Variants in IQGAP1 observed in about 807,000 individuals in gnomAD.
IQGAP1 encodes IQ motif containing GTPase activating protein 1.
A neutral mutation model predicts 215.6 loss-of-function variants in IQGAP1; 66 were observed. The ratio of observed to expected loss-of-function variants is 0.31; its 90% CI spans 0.25 to 0.38. IQGAP1 has a LOEUF of 0.38. Ranked by LOEUF, IQGAP1 falls within the 10% of genes least tolerant of loss-of-function variation. The probability of loss-of-function intolerance (pLI) is 1.00; values close to 1 mark genes in which losing one functional copy is unlikely to be tolerated. For synonymous variants in IQGAP1, 772 were observed against 728.7 expected (o/e 1.06, Z -0.96); for missense variants, 1,712 against 1,997.1 (o/e 0.86, Z 2.72).
chr15:90,464,543 C>T (rs1965804042), intron 15 of IQGAP1, among the ~76,000 whole-genome samples: 1 of 152,018 alleles, frequency 6.6e-6, no homozygotes, highest in Admixed American at 6.6e-5. Flanking sequence ...ATATGGCAGC[C>T]ACATTCTTGA....
Position 90,441,483 on chromosome 15 carries a change from TG to T in IQGAP1, c.650-22del, listed in dbSNP as rs1281006734. Reference sequence around the variant, plus strand: ...TATAATCTCAGTGTTTTTGTTGGTTTGTTTTTTTGTTTTTTTTTTTAGTACA... The same window carrying T: ...TATAATCTCAGTGTTTTTGTTGGTTTTTTTTTTGTTTTTTTTTTTAGTACA... On this transcript the variant is annotated intron_variant, in intron 7 of 37. Coordinates refer to ENST00000268182, the MANE Select transcript of IQGAP1 (RefSeq NM_003870.4). The T allele has an allele frequency of 1.0e-4, 166 of 1,586,678 alleles. No individual in the cohort carries two copies. In the African/African-American group the frequency reaches 1.9e-3, roughly 18 times the overall value.
chr15:90,473,432 C>T (rs910172458), intron 19 of IQGAP1: 31 of 436,052 alleles, frequency 7.1e-5, no homozygotes, highest in Middle Eastern at 6.4e-4. Context: ...ATCTTATCTT[C>T]CTCACCTGGT....
chr15:90,462,888 A>G (rs1965782701), intron 15 of IQGAP1, among the ~76,000 whole-genome samples: 1 of 152,138 alleles, frequency 6.6e-6, no homozygotes, highest in South Asian at 2.1e-4. Context: ...TTTACAGCAA[A>G]TCTGTTTTCT....
rs537769773 is a variant in IQGAP1, at chr15:90,476,946, C to G, written c.2941-121C>G. ...GAGGGGTGAGTGAGGGGCACTGTAACATGTTAATTTATTAATCTTTTTTCT... is the reference window on the plus strand; with the variant it reads ...GAGGGGTGAGTGAGGGGCACTGTAAGATGTTAATTTATTAATCTTTTTTCT... On this transcript the variant is annotated intron_variant, in intron 24 of 37. Transcript: ENST00000268182. The G allele has an allele frequency of 6.2e-4, 821 of 1,317,618 alleles. 4 individuals are homozygous for G. Among genetic ancestry groups the G allele is most frequent in the East Asian group, 2.6e-3 (113 of 43,082 alleles). 81.6% of individuals were successfully genotyped at this position (1,317,618 alleles called of 1,614,324 possible).
At chr15:90,471,377 G>A (rs1270186278) in intron 18 of IQGAP1, among the ~76,000 whole-genome samples, 1 of 152,092 alleles carries the variant, frequency 6.6e-6, no homozygotes, top group Non-Finnish European at 1.5e-5. Flanking sequence ...CAGGAAGTAG[G>A]AAGAAGGGGA....
intron 12 of IQGAP1, 33 bp downstream of exon 12, chr15:90,452,971 A>C: frequency 1.2e-6 from 2 of 1,610,212 alleles, no homozygotes; most frequent in Non-Finnish European, 1.7e-6. Context: ...GTTTGTGAGC[A>C]AAGTTGGGTG....
At chr15:90,495,192 C>G (rs1318673485) in intron 36 of IQGAP1, among the ~76,000 whole-genome samples, 1 of 152,160 alleles carries the variant, frequency 6.6e-6, no homozygotes, top group East Asian at 1.9e-4. Context: ...TAGCTAGGAA[C>G]CAGGCACTTA....
chr15:90,411,372 C>T (rs879714365), intron 2 of IQGAP1, among the ~76,000 whole-genome samples: 7 of 152,002 alleles, frequency 4.6e-5, no homozygotes, highest in Non-Finnish European at 7.4e-5. Context: ...ACAACACCCC[C>T]AGGCTCAGAT....
rs1250916445 is a variant in IQGAP1 at position 90,453,201 on chromosome 15, G to A, written c.1396G>A (p.Ala466Thr). Reference sequence around the variant, plus strand: ...GTCATCGGTGGCCCTGATCAACAGGGCATTGGAATCAGGAGATGTGAATAC... The same window carrying A: ...GTCATCGGTGGCCCTGATCAACAGGACATTGGAATCAGGAGATGTGAATAC... ...MLSSVALINR[A>T]LESGDVNTVW... Residue 466 changes from alanine (A) to threonine (T), a missense_variant, in exon 13 of 38, where the codon GCA becomes ACA. Ala to Thr is a moderately conservative substitution (Grantham distance 58). Coordinates refer to ENST00000268182, the MANE Select transcript of IQGAP1 (RefSeq NM_003870.4). 1.2e-6 allele frequency: 2 copies of A among 1,613,920 alleles called. No individual in the cohort carries two copies. The highest frequency in any genetic ancestry group is 4.5e-5 in the East Asian group (2 of 44,882).
Position 90,482,278 on chromosome 15 carries a change from G to C in IQGAP1, c.3552G>C (p.Leu1184=). The change falls in exon 28 of 38, where the codon CTG becomes CTC. Residue 1184 remains leucine (L), a synonymous_variant. Transcript: ENST00000268182. ...KFPDAGEDEL[L]KIIGNLLYYR... ...CTGATGCTGGTGAGGATGAGCTGCTGAAGGTAAGAATCTCATAGCCGGCAG... is the reference window on the plus strand; with the variant it reads ...CTGATGCTGGTGAGGATGAGCTGCTCAAGGTAAGAATCTCATAGCCGGCAG... 1 of 1,614,152 alleles carries C rather than the reference G, an allele frequency of 6.2e-7. No individual in the cohort carries two copies. The highest frequency in any genetic ancestry group is 1.1e-5 in the South Asian group (1 of 91,072).
intron 15 of IQGAP1, among the ~76,000 whole-genome samples, chr15:90,456,897 T>A (rs59104553): frequency 0.22 from 29,472 of 133,556 alleles, 4,502 homozygotes; most frequent in African/African-American, 0.46. Flanking sequence ...CAAAAAAATA[T>A]ATATATATAT....
chr15:90,473,160 A>G (rs1596284277), intron 19 of IQGAP1, 150 bp downstream of exon 19: 1 of 681,226 alleles, frequency 1.5e-6, no homozygotes. Context: ...CCTCTTTACT[A>G]CCATTTAACT....
At chr15:90,486,878 C>G (rs11637007) in intron 31 of IQGAP1, 76 bp from the exon 32 acceptor site, 3 of 1,423,558 alleles carry the variant, frequency 2.1e-6, no homozygotes, top group African/African-American at 2.8e-5. Context: ...CTTGCATCAT[C>G]TTATATTTGT....
intron 2 of IQGAP1, 102 bp downstream of exon 2, chr15:90,390,975 T>C: frequency 1.3e-6 from 1 of 775,578 alleles, no homozygotes; most frequent in South Asian, 1.5e-5. Flanking sequence ...GGTCCATGCC[T>C]GTAATCCCAA....
At chr15:90,465,170 A>T (rs1208397291) in intron 15 of IQGAP1, among the ~76,000 whole-genome samples, 2 of 152,244 alleles carry the variant, frequency 1.3e-5, no homozygotes, top group Non-Finnish European at 2.9e-5. Flanking sequence ...TTAGGATATC[A>T]GCTAGTGAGA....
chr15:90,456,882 C>T (rs1240394527), intron 15 of IQGAP1, among the ~76,000 whole-genome samples: 2 of 142,978 alleles, frequency 1.4e-5, no homozygotes, highest in African/African-American at 5.3e-5. Flanking sequence ...AGTAAGACTC[C>T]GTCTCAAAAA....
chr15:90,405,117 T>C (rs1009404439), intron 2 of IQGAP1, among the ~76,000 whole-genome samples: 1 of 152,194 alleles, frequency 6.6e-6, no homozygotes, highest in Non-Finnish European at 1.5e-5. Context: ...AGGAGTAAGA[T>C]AGATCCTGCT....
chr15:90,397,894 T>TTTCTTTTA (rs1964749688), intron 2 of IQGAP1: 3 of 148,470 alleles, frequency 2.0e-5, no homozygotes, highest in African/African-American at 7.6e-5. Flanking sequence ...TTTTCTTTTT[T>TTTCTTTTA]TTTTTTGAGA....
rs1044749559 is a variant in IQGAP1, at chr15:90,453,395, A to G, written c.1487+103A>G. The stretch of plus-strand genomic sequence containing the variant: ...TCTTTGCAGGCATTATTACTTTATC[A>G]TGGTCATACTTTTGTTTGGTTCTAC... On this transcript the variant is annotated intron_variant, in intron 13 of 37. Transcript: ENST00000268182. The G allele has an allele frequency of 1.1e-4, 94 of 853,730 alleles. No individual in the cohort carries two copies. In the Admixed American group the frequency reaches 2.3e-3, roughly 21 times the overall value. The allele number at this position is 853,730 out of a possible 1,614,324, so 52.9% of individuals were successfully genotyped here.
Sources: gnomAD v4.1 joint callset for allele counts (sites outside exome capture counted in the v4.1 genomes callset) on GRCh38, gnomAD v4.1.1 for gene constraint, MANE v1.5 for transcripts, NCBI Gene and HGNC (gene_info 2026-07-23, HGNC 2026-07-21) for gene names.